The following ERBB4 variants were observed in gnomAD, a reference collection of about 807,000 sequenced individuals.
ERBB4 encodes receptor tyrosine-protein kinase erbB-4.
Under a neutral mutation model 158.0 loss-of-function variants are expected in ERBB4, and 42 were observed. That is an observed-to-expected ratio of 0.27 (90% CI 0.21 to 0.34). ERBB4 has a LOEUF of 0.34. Among genes scored for constraint, ERBB4 ranks in the 10% least tolerant of loss-of-function variants. The pLI is 1.00. For synonymous variants in ERBB4, 583 were observed against 558.7 expected, an observed-to-expected ratio of 1.04 and a Z score of -0.61; for missense variants, 1,333 against 1,624.1, an observed-to-expected ratio of 0.82 and a Z score of 3.08.
intron 14 of ERBB4, among the ~76,000 whole-genome samples, chr2:211,670,308 C>A (rs1398022456): frequency 6.6e-6 from 1 of 152,116 alleles, no homozygotes; most frequent in Non-Finnish European, 1.5e-5. Flanking sequence ...TTGAGCTCAG[C>A]CATGCCAGTT....
intron 2 of ERBB4, among the ~76,000 whole-genome samples, chr2:211,988,001 T>A (rs2081980574): frequency 6.6e-6 from 1 of 152,212 alleles, no homozygotes; most frequent in African/African-American, 2.4e-5. Context: ...AAATTTCTGG[T>A]ATTTATAACT....
At chr2:211,877,477 C>T (rs1311893216) in intron 3 of ERBB4, among the ~76,000 whole-genome samples, 1 of 152,090 alleles carries the variant, frequency 6.6e-6, no homozygotes, top group African/African-American at 2.4e-5. Flanking sequence ...TTTCTATCAA[C>T]TCTTTCTCAC....
chr2:212,456,892 G>T (rs1433960712), intron 1 of ERBB4, among the ~76,000 whole-genome samples: 1 of 151,750 alleles, frequency 6.6e-6, no homozygotes, highest in Non-Finnish European at 1.5e-5. Context: ...GATTATAATG[G>T]CCTTTTTTCT....
intron 8 of ERBB4, 56 bp from the exon 9 acceptor site, chr2:211,712,232 A>G (rs1156694355): frequency 2.0e-6 from 3 of 1,511,062 alleles, no homozygotes; most frequent in Non-Finnish European, 2.8e-6. Flanking sequence ...TGGCCAATAA[A>G]TCATTGCATC....
chr2:212,220,368 T>C (rs10932428), intron 1 of ERBB4, among the ~76,000 whole-genome samples: 107,168 of 151,200 alleles, frequency 0.71, 38,509 homozygotes, highest in East Asian at 0.78. Context: ...TGGACACAAA[T>C]AAGCATACAC....
At chr2:211,918,110 A>T (rs142994402) in intron 3 of ERBB4, among the ~76,000 whole-genome samples, 53 of 152,312 alleles carry the variant, frequency 3.5e-4, no homozygotes, top group East Asian at 2.5e-3. Context: ...ATCACTCTTC[A>T]AATAGATGGG....
chr2:212,061,299 A>C (rs2077756317), intron 2 of ERBB4, among the ~76,000 whole-genome samples: 2 of 151,678 alleles, frequency 1.3e-5, no homozygotes, highest in African/African-American at 2.4e-5. Flanking sequence ...CTAAAAATAC[A>C]AAACTTAGCA....
intron 3 of ERBB4, among the ~76,000 whole-genome samples, chr2:211,872,597 A>G (rs1422370770): frequency 4.6e-5 from 7 of 152,308 alleles, no homozygotes; most frequent in African/African-American, 1.7e-4. Flanking sequence ...TCATGCTAGA[A>G]TATGTTAAAC....
At chr2:212,491,303 CCTAGA>C (rs1690264259) in intron 1 of ERBB4, among the ~76,000 whole-genome samples, 1 of 151,562 alleles carries the variant, frequency 6.6e-6, no homozygotes, top group African/African-American at 2.4e-5. Flanking sequence ...CATTTTGTTT[CCTAGA>C]CTCACTTTAT....
intron 1 of ERBB4, among the ~76,000 whole-genome samples, chr2:212,372,890 CT>C (rs1433432673): frequency 2.0e-5 from 3 of 152,276 alleles, no homozygotes; most frequent in Admixed American, 6.5e-5. Context: ...CTGGAACAGC[CT>C]TATTCACCCA....
intron 3 of ERBB4, among the ~76,000 whole-genome samples, chr2:211,855,547 T>G (rs1207650727): frequency 1.3e-5 from 2 of 152,196 alleles, no homozygotes; most frequent in African/African-American, 4.8e-5. Flanking sequence ...AGATATCTCA[T>G]TATTCCAACA....
intron 3 of ERBB4, among the ~76,000 whole-genome samples, chr2:211,839,823 T>C: frequency 6.6e-6 from 1 of 152,232 alleles, no homozygotes; most frequent in East Asian, 1.9e-4. Context: ...TGGGTGAGTG[T>C]GCACTCCTAT....
At chr2:211,469,102 G>T (rs1043970621) in intron 20 of ERBB4, among the ~76,000 whole-genome samples, 1 of 151,960 alleles carries the variant, frequency 6.6e-6, no homozygotes, top group Non-Finnish European at 1.5e-5. Flanking sequence ...AGCTGGAAGG[G>T]AAACTCTGCT....
At chr2:212,215,398 G>T (rs892956440) in intron 1 of ERBB4, among the ~76,000 whole-genome samples, 1 of 151,288 alleles carries the variant, frequency 6.6e-6, no homozygotes, top group Admixed American at 6.6e-5. Context: ...TTTTTCTAAG[G>T]CTCAAATTGC....
intron 1 of ERBB4, among the ~76,000 whole-genome samples, chr2:212,491,771 G>A (rs183395726): frequency 6.6e-6 from 1 of 151,386 alleles, no homozygotes; most frequent in Admixed American, 6.6e-5. Context: ...TACAAACTTA[G>A]GTGCAATGCT....
At chr2:211,548,648 C>G (rs1487550315) in intron 20 of ERBB4, among the ~76,000 whole-genome samples, 1 of 152,012 alleles carries the variant, frequency 6.6e-6, no homozygotes, top group East Asian at 1.9e-4. Context: ...CAGGTCTTGG[C>G]TCTGACACCA....
chr2:212,408,258 T>C (rs112131333), intron 1 of ERBB4, among the ~76,000 whole-genome samples: 1,803 of 148,966 alleles, frequency 0.012, 35 homozygotes, highest in African/African-American at 0.042. Flanking sequence ...CCTCCCCCAA[T>C]AGGTCCCAGT....
At chr2:211,719,626 C>T (rs754380464) in intron 7 of ERBB4, among the ~76,000 whole-genome samples, 1 of 151,942 alleles carries the variant, frequency 6.6e-6, no homozygotes, top group Non-Finnish European at 1.5e-5. Context: ...GAGGCCGAGG[C>T]GGGCTAATCA....
intron 20 of ERBB4, among the ~76,000 whole-genome samples, chr2:211,436,592 G>C (rs1294332773): frequency 1.3e-5 from 2 of 152,060 alleles, no homozygotes; most frequent in African/African-American, 4.8e-5. Context: ...ACTGCTCCAT[G>C]GATAGCTATC....
Sources: allele counts gnomAD v4.1 joint callset (sites outside exome capture counted in the v4.1 genomes callset), GRCh38; gene constraint gnomAD v4.1.1; transcripts MANE v1.5; gene names NCBI Gene and HGNC (gene_info 2026-07-23, HGNC 2026-07-21).